Variants in TMEM248 observed in about 807,000 individuals in gnomAD.
TMEM248 encodes the protein UPF0458 protein C7orf42.
Under a neutral mutation model 30.3 loss-of-function variants are expected in TMEM248, and 9 were observed. The ratio of observed to expected loss-of-function variants is 0.30; its 90% CI spans 0.18 to 0.52. The LOEUF (loss-of-function observed/expected upper bound fraction) is 0.52, where lower values mean the gene tolerates loss of function less well. Ranked by LOEUF, TMEM248 falls within the 20% of genes least tolerant of loss-of-function variation. TMEM248 has a pLI of 0.97. For synonymous variants in TMEM248, 184 were observed against 154.4 expected, an observed-to-expected ratio of 1.19 and a Z score of -1.42; for missense variants, 338 against 403.3, an observed-to-expected ratio of 0.84 and a Z score of 1.39.
At chr7:66,931,765 A>ATTG (rs1309995830) in intron 1 of TMEM248, among the ~76,000 whole-genome samples, 1 of 70,276 alleles carries the variant, frequency 1.4e-5, no homozygotes, top group Non-Finnish European at 2.8e-5. Context: ...GGTGTGAGTT[A>ATTG]TTGTGCCCAA....
intron 1 of TMEM248, among the ~76,000 whole-genome samples, chr7:66,937,273 A>G (rs1181590891): frequency 6.6e-6 from 1 of 152,208 alleles, no homozygotes; most frequent in Non-Finnish European, 1.5e-5. Context: ...TTGTGGTCAG[A>G]GAAGATACTT....
At chr7:66,949,286 A>G (rs1792198762) in intron 4 of TMEM248, among the ~76,000 whole-genome samples, 2 of 152,184 alleles carry the variant, frequency 1.3e-5, no homozygotes, top group East Asian at 3.8e-4. Flanking sequence ...CAGGAGTTCA[A>G]GACCAGCCTG....
intron 1 of TMEM248, among the ~76,000 whole-genome samples, chr7:66,928,081 G>T (rs1239836816): frequency 6.6e-6 from 1 of 152,120 alleles, no homozygotes; most frequent in Non-Finnish European, 1.5e-5. Flanking sequence ...TAGGCCTGCT[G>T]GTGGGCGCCT....
Position 66,948,560 on chromosome 7 carries a change from G to A in TMEM248, c.462G>A (p.Glu154=). 6.2e-7 allele frequency: 1 copy of A among 1,613,816 alleles called. No homozygotes were observed. Among genetic ancestry groups the A allele is most frequent in the Non-Finnish European group, 8.5e-7 (1 of 1,179,878 alleles). ...CTTTCATAGGCAGGGAAGCCCACGA[G>A]GAGATAAACATCACCTTCACCCTGC... ...QIGLSGREAH[E]EINITFTLPT... is the part of the protein sequence containing the mutation. The change falls in exon 4 of 7, where the codon GAG becomes GAA. Residue 154 remains glutamate, a synonymous_variant. Coordinates refer to ENST00000341567, the MANE Select transcript of TMEM248 (RefSeq NM_017994.5).
chr7:66,948,294 C>T (rs545177226), intron 3 of TMEM248, among the ~76,000 whole-genome samples: 22 of 152,230 alleles, frequency 1.4e-4, no homozygotes, highest in East Asian at 5.8e-4. Flanking sequence ...CTGATCTGCC[C>T]GAGGTCTGGT....
intron 3 of TMEM248, 50 bp from the exon 4 acceptor site, chr7:66,948,494 G>T: frequency 1.3e-6 from 2 of 1,578,296 alleles, no homozygotes; most frequent in South Asian, 1.2e-5. Flanking sequence ...CCCAGAGAAT[G>T]ACAAGTACGT....
In TMEM248 at chr7:66,958,067, C is replaced by T. The variant is rs777937410; in HGVS notation, c.*2545C>T. 1 of 152,732 alleles carries T rather than the reference C, an allele frequency of 6.5e-6. No homozygotes were observed. Among genetic ancestry groups the T allele is most frequent in the Non-Finnish European group, 1.5e-5 (1 of 68,116 alleles). 9.5% of individuals were successfully genotyped at this position (152,732 alleles called of 1,614,324 possible). Reference sequence around the variant, plus strand: ...ATCTGGGCACTTCCCAGGCTCAATGCTCAGCCAGAGTTTGCTGGTGGACCT... The same window carrying T: ...ATCTGGGCACTTCCCAGGCTCAATGTTCAGCCAGAGTTTGCTGGTGGACCT... On this transcript the variant is annotated 3_prime_UTR_variant, in exon 7 of 7. Transcript: ENST00000341567.
chr7:66,954,144 A>G (rs1297459896), intron 6 of TMEM248, among the ~76,000 whole-genome samples: 1 of 150,478 alleles, frequency 6.6e-6, no homozygotes, highest in Non-Finnish European at 1.5e-5. Context: ...GGGTTTCACC[A>G]TGTTGTCCAG....
In TMEM248 at chr7:66,957,625, A is replaced by G. The variant is rs1487710190; in HGVS notation, c.*2103A>G. 6.6e-6 allele frequency: 1 copy of G among 152,258 alleles called. No individual in the cohort carries two copies. Among genetic ancestry groups the G allele is most frequent in the Non-Finnish European group, 1.5e-5 (1 of 68,050 alleles). The allele number at this position is 152,258 out of a possible 1,614,324, so 9.4% of individuals were successfully genotyped here. ...TATTGAATTAATAAAATCCCAATGA[A>G]GCAGAGTTATAGGGATAGATTTATA... On this transcript the variant is annotated 3_prime_UTR_variant, in exon 7 of 7. Transcript: ENST00000341567.
chr7:66,929,950 AG>A (rs574828931), intron 1 of TMEM248, among the ~76,000 whole-genome samples: 107 of 152,240 alleles, frequency 7.0e-4, no homozygotes, highest in African/African-American at 2.5e-3. Flanking sequence ...GCTTGAGCCC[AG>A]GAGTTTGAGA....
intron 1 of TMEM248, among the ~76,000 whole-genome samples, chr7:66,924,162 G>T (rs1473671722): frequency 6.6e-6 from 1 of 152,180 alleles, no homozygotes. Flanking sequence ...CAGTTTGCAG[G>T]AGCACAGCTC....
At chr7:66,951,716 C>T (rs554375277) in intron 5 of TMEM248, among the ~76,000 whole-genome samples, 12 of 151,994 alleles carry the variant, frequency 7.9e-5, no homozygotes, top group African/African-American at 2.4e-4. Context: ...CTTGCTCTGT[C>T]GCCCAGATTG....
At chr7:66,924,738 T>C (rs1791480246) in intron 1 of TMEM248, among the ~76,000 whole-genome samples, 1 of 147,836 alleles carries the variant, frequency 6.8e-6, no homozygotes, top group Admixed American at 6.8e-5. Context: ...TGAGATGGAG[T>C]CTCACCTTGT....
chr7:66,940,926 A>G (rs1435200314), intron 1 of TMEM248, among the ~76,000 whole-genome samples: 1 of 140,738 alleles, frequency 7.1e-6, no homozygotes, highest in East Asian at 1.9e-4. Flanking sequence ...CTTAAGTGAT[A>G]CGGAAGTAAC....
chr7:66,925,803 C>T (rs1424962989), intron 1 of TMEM248, among the ~76,000 whole-genome samples: 3 of 151,194 alleles, frequency 2.0e-5, no homozygotes, highest in Non-Finnish European at 2.9e-5. Flanking sequence ...CACCACGCCA[C>T]GCTAATTTTT....
intron 6 of TMEM248, among the ~76,000 whole-genome samples, chr7:66,954,078 G>A (rs917476980): frequency 1.5e-4 from 23 of 151,184 alleles, no homozygotes; most frequent in Non-Finnish European, 2.5e-4. Flanking sequence ...AGAGTAGCTG[G>A]GATTACAGGC....
At chr7:66,927,308 G>A (rs947889623) in intron 1 of TMEM248, among the ~76,000 whole-genome samples, 1 of 152,090 alleles carries the variant, frequency 6.6e-6, no homozygotes. Context: ...TTAGAAGTAA[G>A]TCTGGTTCCA....
rs531439275 is a variant in TMEM248 at position 66,943,345 on chromosome 7, C to T, written c.159+1321C>T. On this transcript the variant is annotated intron_variant, in intron 2 of 6. Transcript: ENST00000341567. ...CCTGGATAATTAGCCCTTAATAATCCAAATTAGGCCTGGCATTGGCTTTAG... is the reference window on the plus strand; with the variant it reads ...CCTGGATAATTAGCCCTTAATAATCTAAATTAGGCCTGGCATTGGCTTTAG... Among the ~76,000 whole-genome samples, 3 of 152,346 alleles carry T rather than the reference C, an allele frequency of 2.0e-5. No individual in the cohort carries two copies. In the East Asian group the frequency reaches 5.8e-4, roughly 29 times the overall value.
At chr7:66,938,562 G>A (rs192364772) in intron 1 of TMEM248, among the ~76,000 whole-genome samples, 1 of 152,298 alleles carries the variant, frequency 6.6e-6, no homozygotes, top group East Asian at 1.9e-4. Flanking sequence ...AAGCTGAAGT[G>A]CAGTGGTGTG....
Sources: gnomAD v4.1 joint callset for allele counts (sites outside exome capture counted in the v4.1 genomes callset) on GRCh38, gnomAD v4.1.1 for gene constraint, MANE v1.5 for transcripts, NCBI Gene and HGNC (gene_info 2026-07-23, HGNC 2026-07-21) for gene names.